LMTK2: variants seen among roughly 807,000 people sequenced by gnomAD.
LMTK2 encodes the protein lemur tail kinase 2, also known as serine/threonine-protein kinase LMTK2.
Under a neutral mutation model 127.5 loss-of-function variants are expected in LMTK2, and 37 were observed. The ratio of observed to expected loss-of-function variants is 0.29; its 90% CI spans 0.22 to 0.38. The LOEUF (loss-of-function observed/expected upper bound fraction) is 0.38. LMTK2 is among the 10% of genes least tolerant of loss of function. The pLI is 1.00. For synonymous variants in LMTK2, 819 were observed against 810.1 expected (o/e 1.01, Z -0.19); for missense variants, 1,694 against 1,920.3 (o/e 0.88, Z 2.20).
intron 3 of LMTK2, among the ~76,000 whole-genome samples, chr7:98,142,486 A>G (rs1017814127): frequency 6.6e-6 from 1 of 152,182 alleles, no homozygotes; most frequent in African/African-American, 2.4e-5. Flanking sequence ...AACCAAAATA[A>G]TGAAGTTTAA....
chr7:98,146,668 T>C (rs1198514786), intron 3 of LMTK2, among the ~76,000 whole-genome samples: 3 of 152,240 alleles, frequency 2.0e-5, no homozygotes. Context: ...CCCATCCCTT[T>C]ATGTTGTTGT....
Position 98,127,737 on chromosome 7 carries a change from C to T in LMTK2, c.104-9578C>T, listed in dbSNP as rs137894510. On this transcript the variant is annotated intron_variant, in intron 1 of 13. Coordinates refer to ENST00000297293, the MANE Select transcript of LMTK2 (RefSeq NM_014916.4). Reference sequence around the variant, plus strand: ...TGCTAACACAAAGAAATGATCGATGCCTGAGGTGACGGACACCCCAAATAC... The same window carrying T: ...TGCTAACACAAAGAAATGATCGATGTCTGAGGTGACGGACACCCCAAATAC... Among the ~76,000 whole-genome samples, 76 of 152,296 alleles carry T rather than the reference C, an allele frequency of 5.0e-4. No individual in the cohort carries two copies. In the East Asian group the frequency reaches 0.015, roughly 29 times the overall value.
chr7:98,124,149 AG>A (rs1796409246), intron 1 of LMTK2, among the ~76,000 whole-genome samples: 1 of 152,134 alleles, frequency 6.6e-6, no homozygotes, highest in Admixed American at 6.5e-5. Flanking sequence ...CTTTCAGAGC[AG>A]GGAGTTAATA....
At chr7:98,182,526 A>G (rs1182629658) in intron 7 of LMTK2, among the ~76,000 whole-genome samples, 1 of 152,264 alleles carries the variant, frequency 6.6e-6, no homozygotes, top group Non-Finnish European at 1.5e-5. Flanking sequence ...TCAATTTCCC[A>G]TAATGAAATA....
At chr7:98,190,641 TA>T in intron 9 of LMTK2, 86 bp from the exon 10 acceptor site, 1 of 1,241,614 alleles carries the variant, frequency 8.1e-7, no homozygotes, top group Non-Finnish European at 1.2e-6. Flanking sequence ...ACCTTGTCCT[TA>T]AAATTACTGG....
At chr7:98,111,626 T>TG (rs1221759416) in intron 1 of LMTK2, among the ~76,000 whole-genome samples, 1 of 152,200 alleles carries the variant, frequency 6.6e-6, no homozygotes, top group Admixed American at 6.5e-5. Context: ...CAAAGGGTTG[T>TG]GGGGGGCACA....
At chr7:98,166,295 T>C (rs1584274454) in intron 6 of LMTK2, among the ~76,000 whole-genome samples, 1 of 152,386 alleles carries the variant, frequency 6.6e-6, no homozygotes, top group Non-Finnish European at 1.5e-5. Context: ...GCTGGAGCGC[T>C]GGAGCCACAC....
chr7:98,194,629 T>C lies in LMTK2; in HGVS notation c.4107+57T>C. 1 of 1,442,386 alleles carries C rather than the reference T, an allele frequency of 6.9e-7. No homozygotes were observed. Among genetic ancestry groups the C allele is most frequent in the South Asian group, 1.3e-5 (1 of 74,226 alleles). 89.3% of individuals were successfully genotyped at this position (1,442,386 alleles called of 1,614,324 possible). A position where few individuals can be genotyped will look rare whatever the true frequency, so the allele number is the denominator to read the frequency against. On this transcript the variant is annotated intron_variant, in intron 11 of 13. Coordinates refer to ENST00000297293, the MANE Select transcript of LMTK2 (RefSeq NM_014916.4). The surrounding 1 kb of genome is among the most constrained non-coding windows in gnomAD (Gnocchi z 5.4). ...ACATCCATATAAGGATTCCAAAATG[T>C]GCTAGGAAATTGAGTGTGGTCTGTT...
intron 4 of LMTK2, among the ~76,000 whole-genome samples, chr7:98,154,522 G>T (rs541509671): frequency 8.2e-4 from 125 of 152,260 alleles, no homozygotes; most frequent in Admixed American, 8.5e-4. Flanking sequence ...AAATAGAAAA[G>T]AAATATGCAT....
chr7:98,143,845 G>T (rs1356617969), intron 3 of LMTK2, among the ~76,000 whole-genome samples: 1 of 152,190 alleles, frequency 6.6e-6, no homozygotes, highest in Non-Finnish European at 1.5e-5. Context: ...ATTTATTGCA[G>T]CGTTGTTTGG....
rs563406479 is a variant in LMTK2 at position 98,205,361 on chromosome 7, C to A, written c.4484-103C>A. 383 of 1,418,310 alleles carry A rather than the reference C, an allele frequency of 2.7e-4. No homozygotes were observed. The Admixed American group carries it at 6.5e-3, about 24-fold the overall frequency. The allele number at this position is 1,418,310 out of a possible 1,614,324, so 87.9% of individuals were successfully genotyped here. A position where few individuals can be genotyped will look rare whatever the true frequency, so the allele number is the denominator to read the frequency against. On this transcript the variant is annotated intron_variant, in intron 13 of 13. Transcript: ENST00000297293. ...TCAGGCGGTGCTGGGCTCAAAACACCCGCTTCCGTTCCTGTGGTGCAGCGC... is the reference window on the plus strand; with the variant it reads ...TCAGGCGGTGCTGGGCTCAAAACACACGCTTCCGTTCCTGTGGTGCAGCGC...
chr7:98,178,165 TAGA>T (rs1299238818), intron 7 of LMTK2, among the ~76,000 whole-genome samples: 3 of 152,204 alleles, frequency 2.0e-5, no homozygotes, highest in Admixed American at 2.0e-4. Flanking sequence ...GCCAAGCTGC[TAGA>T]AGAATATTCA....
chr7:98,140,881 C>G (rs1361759115), intron 2 of LMTK2, among the ~76,000 whole-genome samples: 1 of 129,372 alleles, frequency 7.7e-6, no homozygotes, highest in Admixed American at 7.4e-5. Context: ...GACTCTGCCT[C>G]TACAAAAAAA....
chr7:98,190,581 A>AAAC (rs778796219), intron 9 of LMTK2, 147 bp from the exon 10 acceptor site: 93 of 823,978 alleles, frequency 1.1e-4, no homozygotes, highest in Admixed American at 3.3e-4. Context: ...CTCTGTCTTA[A>AAAC]AACAACAACA....
intron 4 of LMTK2, among the ~76,000 whole-genome samples, chr7:98,152,997 G>A (rs558073649): frequency 1.3e-5 from 2 of 152,310 alleles, no homozygotes; most frequent in Middle Eastern, 3.4e-3. Flanking sequence ...ACTGCTGAGG[G>A]CCTGATGAAC....
At chr7:98,176,097 A>C (rs12532406) in intron 7 of LMTK2, among the ~76,000 whole-genome samples, 20,904 of 152,268 alleles carry the variant, frequency 0.14, 1,600 homozygotes, top group East Asian at 0.21. Context: ...AACAATTAAG[A>C]CTTATTCTAG....
chr7:98,139,596 A>G (rs1796647929), intron 2 of LMTK2, among the ~76,000 whole-genome samples: 1 of 152,184 alleles, frequency 6.6e-6, no homozygotes, highest in African/African-American at 2.4e-5. Flanking sequence ...AAATTGAAGG[A>G]TTTCCTCTGT....
chr7:98,123,160 G>T (rs544575107), intron 1 of LMTK2, among the ~76,000 whole-genome samples: 1 of 152,266 alleles, frequency 6.6e-6, no homozygotes, highest in African/African-American at 2.4e-5. Flanking sequence ...GCCACATTGT[G>T]GGCTAATGTG....
At chr7:98,173,097 T>C (rs957823169) in intron 7 of LMTK2, among the ~76,000 whole-genome samples, 1 of 152,212 alleles carries the variant, frequency 6.6e-6, no homozygotes, top group African/African-American at 2.4e-5. Context: ...TTCACAGTAA[T>C]ATGCTTAGTG....
Sources: gnomAD v4.1 joint callset for allele counts (sites outside exome capture counted in the v4.1 genomes callset) on GRCh38, gnomAD v4.1.1 for gene constraint, Gnocchi (gnomAD v3.1) non-coding constraint, MANE v1.5 for transcripts, NCBI Gene and HGNC (gene_info 2026-07-23, HGNC 2026-07-21) for gene names.